FOXP2: variants seen among roughly 807,000 people sequenced by gnomAD.
FOXP2 encodes the protein forkhead box protein P2.
FOXP2 carries 12 observed loss-of-function variants against 115.8 expected under a neutral mutation model. The ratio of observed to expected loss-of-function variants is 0.10; its 90% confidence interval spans 0.07 to 0.17. The LOEUF (loss-of-function observed/expected upper bound fraction) is 0.17, where lower values mean the gene tolerates loss of function less well. FOXP2 is among the 10% of genes least tolerant of loss of function. The probability of loss-of-function intolerance (pLI) is 1.00; values close to 1 mark genes in which losing one functional copy is unlikely to be tolerated. For synonymous variants in FOXP2, 328 were observed against 297.7 expected, an observed-to-expected ratio of 1.10 and a Z score of -1.05; for missense variants, 629 against 843.5, an observed-to-expected ratio of 0.75 and a Z score of 3.15.
intron 2 of FOXP2, among the ~76,000 whole-genome samples, chr7:114,316,720 T>C (rs1797286677): frequency 6.6e-6 from 1 of 152,128 alleles, no homozygotes; most frequent in Non-Finnish European, 1.5e-5. Context: ...GTTTAAAGCG[T>C]TGCTCAGAGA....
At chr7:114,131,525 A>G (rs888221485) in intron 1 of FOXP2, among the ~76,000 whole-genome samples, 3 of 152,084 alleles carry the variant, frequency 2.0e-5, no homozygotes, top group African/African-American at 7.2e-5. Context: ...TATTATAACT[A>G]CATTAGTCGA....
At chr7:114,149,045 C>T (rs1205313644) in intron 1 of FOXP2, among the ~76,000 whole-genome samples, 4 of 152,048 alleles carry the variant, frequency 2.6e-5, no homozygotes, top group African/African-American at 7.2e-5. Flanking sequence ...CGGAACATAG[C>T]CTCTGGAATA....
At chr7:114,293,352 T>C (rs1338596491) in intron 2 of FOXP2, among the ~76,000 whole-genome samples, 1 of 152,142 alleles carries the variant, frequency 6.6e-6, no homozygotes, top group Non-Finnish European at 1.5e-5. Context: ...AATGACTTGC[T>C]CTGGGGGAGG....
chr7:114,350,401 A>G (rs1791455430), intron 2 of FOXP2, among the ~76,000 whole-genome samples: 1 of 152,058 alleles, frequency 6.6e-6, no homozygotes, highest in South Asian at 2.1e-4. Context: ...CAGTGTGCGG[A>G]TGTATTATAT....
chr7:114,444,383 C>T (rs559361208), intron 2 of FOXP2, among the ~76,000 whole-genome samples: 1 of 152,266 alleles, frequency 6.6e-6, no homozygotes, highest in East Asian at 1.9e-4. Flanking sequence ...AGTTGAGCTT[C>T]TCAAGTTCTT....
chr7:114,380,499 G>A (rs1402901034), intron 2 of FOXP2, among the ~76,000 whole-genome samples: 1 of 152,098 alleles, frequency 6.6e-6, no homozygotes, highest in Non-Finnish European at 1.5e-5. Flanking sequence ...GTTGAGGTCG[G>A]GATCAGTCAA....
At chr7:114,345,685 T>C (rs904551959) in intron 2 of FOXP2, among the ~76,000 whole-genome samples, 3 of 151,712 alleles carry the variant, frequency 2.0e-5, no homozygotes, top group Non-Finnish European at 4.4e-5. Context: ...GAAATATTTT[T>C]CATATGACAC....
intron 2 of FOXP2, among the ~76,000 whole-genome samples, chr7:114,462,288 A>G (rs1376996424): frequency 2.8e-5 from 4 of 144,954 alleles, no homozygotes; most frequent in Non-Finnish European, 5.9e-5. Context: ...AAAAAAAAAA[A>G]AAAAAAAAAA....
intron 1 of FOXP2, among the ~76,000 whole-genome samples, chr7:114,142,176 C>T (rs930505866): frequency 1.3e-5 from 2 of 152,122 alleles, no homozygotes; most frequent in Non-Finnish European, 2.9e-5. Flanking sequence ...GTGCCCACCA[C>T]CACGTCCAGC....
In FOXP2 at chr7:114,662,265, G is replaced by A. The variant is rs898957539; in HGVS notation, c.1769+79G>A. Reference sequence around the variant, plus strand: ...AATACTTTAAGTTGGGGCTGGGGTGGGGAGACAGTTAGCTTAATGGCATGC... The same window carrying A: ...AATACTTTAAGTTGGGGCTGGGGTGAGGAGACAGTTAGCTTAATGGCATGC... On this transcript the variant is annotated intron_variant, in intron 14 of 16. Transcript: ENST00000350908. The A allele has an allele frequency of 8.8e-6, 14 of 1,588,462 alleles. No homozygotes were observed. In the Admixed American group the frequency reaches 1.5e-4, roughly 17 times the overall value.
intron 3 of FOXP2, among the ~76,000 whole-genome samples, chr7:114,607,569 G>A (rs1422034780): frequency 1.3e-5 from 2 of 152,160 alleles, no homozygotes; most frequent in Non-Finnish European, 2.9e-5. Flanking sequence ...ATTAAATTTT[G>A]CTTTGGAGAG....
chr7:114,484,685 T>C (rs1796698043), intron 2 of FOXP2, among the ~76,000 whole-genome samples: 1 of 151,960 alleles, frequency 6.6e-6, no homozygotes, highest in Admixed American at 6.6e-5. Flanking sequence ...AGAAATCATA[T>C]CCTGAATTGC....
intron 1 of FOXP2, among the ~76,000 whole-genome samples, chr7:114,138,387 C>T (rs1167299191): frequency 1.5e-5 from 2 of 130,266 alleles, no homozygotes; most frequent in South Asian, 2.6e-4. Context: ...ACTCTATAAG[C>T]CTATTCTTTT....
chr7:114,241,744 G>A (rs1386387891), intron 1 of FOXP2, among the ~76,000 whole-genome samples: 1 of 81,896 alleles, frequency 1.2e-5, no homozygotes, highest in Admixed American at 1.9e-4. Flanking sequence ...TTGAAGCCAC[G>A]TATTTTTTTT....
chr7:114,521,490 A>G (rs1798622053), intron 2 of FOXP2, among the ~76,000 whole-genome samples: 1 of 139,658 alleles, frequency 7.2e-6, no homozygotes, highest in South Asian at 2.4e-4. Context: ...CTCTGAGTCT[A>G]CCACTGTACT....
chr7:114,630,096 AG>A, intron 5 of FOXP2, 91 bp downstream of exon 5: 1 of 1,596,160 alleles, frequency 6.3e-7, no homozygotes, highest in Non-Finnish European at 8.5e-7. Context: ...TCCTATAACA[AG>A]GCTCTTGCTG....
chr7:114,653,753 T>C (rs1458041436), intron 9 of FOXP2, among the ~76,000 whole-genome samples, 173 bp from the exon 10 acceptor site: 1 of 152,118 alleles, frequency 6.6e-6, no homozygotes, highest in Admixed American at 6.6e-5. Context: ...TAAAAGTTTT[T>C]CCCCCTCCAT....
chr7:114,386,154 G>A (rs913331366), intron 2 of FOXP2, among the ~76,000 whole-genome samples: 24 of 152,202 alleles, frequency 1.6e-4, no homozygotes, highest in Admixed American at 3.9e-4. Flanking sequence ...CGGTGGGTCT[G>A]CGACAGTGGC....
intron 1 of FOXP2, among the ~76,000 whole-genome samples, chr7:114,151,552 A>C (rs1230599734): frequency 6.6e-6 from 1 of 151,996 alleles, no homozygotes; most frequent in Non-Finnish European, 1.5e-5. Flanking sequence ...TAAGAGAGAG[A>C]GAATTTGTGT....
Sources: allele counts gnomAD v4.1 joint callset (sites outside exome capture counted in the v4.1 genomes callset), GRCh38; gene constraint gnomAD v4.1.1; transcripts MANE v1.5; gene names NCBI Gene and HGNC (gene_info 2026-07-23, HGNC 2026-07-21).